Variants in SLC24A2 observed in about 807,000 individuals in gnomAD.
SLC24A2 encodes the protein solute carrier family 24 member 2, also known as sodium/potassium/calcium exchanger 2.
Under a neutral mutation model 62.0 loss-of-function variants are expected in SLC24A2, and 36 were observed. The ratio of observed to expected loss-of-function variants is 0.58; its 90% CI spans 0.44 to 0.77. The LOEUF is 0.77. Ranked by LOEUF, SLC24A2 falls within the 30% of genes least tolerant of loss-of-function variation. The probability of loss-of-function intolerance (pLI) is 0.00; values close to 1 mark genes in which losing one functional copy is unlikely to be tolerated. For synonymous variants in SLC24A2, 358 were observed against 294.0 expected (o/e 1.22, Z -2.23); for missense variants, 846 against 817.9 (o/e 1.03, Z -0.42).
chr9:19,615,068 G>T (rs1817730116), intron 4 of SLC24A2, among the ~76,000 whole-genome samples: 2 of 152,176 alleles, frequency 1.3e-5, no homozygotes, highest in African/African-American at 4.8e-5. Context: ...GGACTCTTGT[G>T]ACTCAGGCTC....
intron 2 of SLC24A2, among the ~76,000 whole-genome samples, chr9:19,665,170 A>G (rs1819213458): frequency 1.3e-5 from 2 of 152,184 alleles, no homozygotes; most frequent in Admixed American, 6.5e-5. Flanking sequence ...GACACCATCT[A>G]TCTGAGGTGA....
intron 2 of SLC24A2, among the ~76,000 whole-genome samples, chr9:19,695,042 A>G (rs1450511039): frequency 7.8e-6 from 1 of 128,978 alleles, no homozygotes; most frequent in African/African-American, 2.7e-5. Context: ...CCAGCCATAT[A>G]TTTATCCTAG....
chr9:19,942,658 A>G, the SLC24A2 span, among the ~76,000 whole-genome samples: 3 of 152,194 alleles, frequency 2.0e-5, no homozygotes, highest in African/African-American at 7.2e-5. Flanking sequence ...CAGCAAGAAG[A>G]TATTTATAAT....
the SLC24A2 span, among the ~76,000 whole-genome samples, chr9:20,134,941 T>G: frequency 6.6e-6 from 1 of 152,212 alleles, no homozygotes; most frequent in East Asian, 1.9e-4. Flanking sequence ...AAAATCTGTC[T>G]GCCTTTTGTA....
At chr9:19,752,110 C>T (rs994079534) in intron 2 of SLC24A2, among the ~76,000 whole-genome samples, 3 of 152,100 alleles carry the variant, frequency 2.0e-5, no homozygotes, top group Admixed American at 6.5e-5. Context: ...GCTTGCGACA[C>T]GTTTGCTTAT....
intron 2 of SLC24A2, among the ~76,000 whole-genome samples, chr9:19,672,356 ATCTTTTG>A (rs1354689258): frequency 6.8e-6 from 1 of 146,242 alleles, no homozygotes; most frequent in East Asian, 1.9e-4. Flanking sequence ...GCCTTGAATA[ATCTTTTG>A]TCTTTCTGTG....
chr9:20,201,495 A>G, the SLC24A2 span, among the ~76,000 whole-genome samples: 1 of 152,184 alleles, frequency 6.6e-6, no homozygotes, highest in East Asian at 1.9e-4. Flanking sequence ...ACAATTTGAG[A>G]TAGAGAAGGG....
At chr9:19,600,852 G>A (rs897189888) in intron 4 of SLC24A2, among the ~76,000 whole-genome samples, 9 of 152,042 alleles carry the variant, frequency 5.9e-5, no homozygotes, top group Admixed American at 2.0e-4. Flanking sequence ...GGGGGAGAGC[G>A]TAGGATTGAA....
intron 8 of SLC24A2, among the ~76,000 whole-genome samples, chr9:19,533,929 C>A (rs76502850): frequency 0.011 from 1,612 of 152,324 alleles, 29 homozygotes; most frequent in African/African-American, 0.035. Flanking sequence ...ACCCATATAT[C>A]TTCCAAACCA....
intron 2 of SLC24A2, among the ~76,000 whole-genome samples, chr9:19,642,118 C>T (rs1178908729): frequency 6.6e-6 from 1 of 152,022 alleles, no homozygotes; most frequent in East Asian, 1.9e-4. Context: ...ACTGGCTTGG[C>T]TTTGGGGAGG....
the SLC24A2 span, among the ~76,000 whole-genome samples, chr9:20,080,642 A>T: frequency 0.026 from 3,911 of 151,554 alleles, 147 homozygotes; most frequent in African/African-American, 0.084. Flanking sequence ...CTCATTAAAC[A>T]AAAGAGCTTC....
At chr9:19,669,453 T>C (rs1466854217) in intron 2 of SLC24A2, among the ~76,000 whole-genome samples, 5 of 152,190 alleles carry the variant, frequency 3.3e-5, no homozygotes, top group African/African-American at 1.2e-4. Context: ...CTTTTTAAAA[T>C]TGCTACCACA....
chr9:19,962,980 A>G, the SLC24A2 span, among the ~76,000 whole-genome samples: 1 of 152,164 alleles, frequency 6.6e-6, no homozygotes, highest in African/African-American at 2.4e-5. Context: ...ATTCAGTATG[A>G]TATTGGCTGT....
In SLC24A2 at chr9:19,513,226, A is replaced by G. The variant is rs931362207; in HGVS notation, c.*2927T>C. On this transcript the variant is annotated 3_prime_UTR_variant, in exon 11 of 11. Coordinates refer to ENST00000341998, the MANE Select transcript of SLC24A2 (RefSeq NM_020344.4). ...TATATATGTATATACACAGGCATGCAGGAAACGAGTTAGAGATGACCTGTT... is the reference window on the plus strand; with the variant it reads ...TATATATGTATATACACAGGCATGCGGGAAACGAGTTAGAGATGACCTGTT... The G allele has an allele frequency of 6.7e-6, 1 of 148,840 alleles. No individual in the cohort carries two copies. The highest frequency in any genetic ancestry group is 1.5e-5 in the Non-Finnish European group (1 of 67,620). The allele number at this position is 148,840 out of a possible 1,614,324, so 9.2% of individuals were successfully genotyped here. A position where few individuals can be genotyped will look rare whatever the true frequency, so the allele number is the denominator to read the frequency against.
chr9:20,110,746 C>T, the SLC24A2 span, among the ~76,000 whole-genome samples: 1 of 152,108 alleles, frequency 6.6e-6, no homozygotes, highest in African/African-American at 2.4e-5. Context: ...AATGAAAATT[C>T]ATTTTGCATC....
chr9:20,219,347 A>G, the SLC24A2 span, among the ~76,000 whole-genome samples: 6 of 152,194 alleles, frequency 3.9e-5, no homozygotes, highest in Admixed American at 1.3e-4. Flanking sequence ...TCTGTTCCCA[A>G]TGCCAGTGCT....
rs992720529 is a variant in SLC24A2 at position 19,767,613 on chromosome 9, T to G, written c.930+18324A>C. 2.6e-5 allele frequency among the ~76,000 whole-genome samples: 4 copies of G among 152,118 alleles called. No homozygotes were observed. The South Asian group carries it at 6.2e-4, about 24-fold the overall frequency. On this transcript the variant is annotated intron_variant, in intron 2 of 10. Transcript: ENST00000341998. ...GGTGATGCCCCACCCTGCTTCTGCT[T>G]ACCCTCTGTGGGCTGCATGCACTGT...
At position 19,678,493 on chromosome 9, in the gene SLC24A2, G is replaced by T. The variant is rs143963849; in HGVS notation, c.931-56194C>A. Among the ~76,000 whole-genome samples, 842 of 152,272 alleles carry T rather than the reference G, an allele frequency of 5.5e-3. 9 individuals are homozygous for T. In the Middle Eastern group the frequency reaches 0.058, roughly 10 times the overall value. On this transcript the variant is annotated intron_variant, in intron 2 of 10. Coordinates refer to ENST00000341998, the MANE Select transcript of SLC24A2 (RefSeq NM_020344.4). ...CTTTTGATTTCTCTTTAACTTAGTG[G>T]TCTAGTGTAACCCTTTATTTTTCTA...
chr9:19,888,919 G>C, the SLC24A2 span, among the ~76,000 whole-genome samples: 2 of 152,192 alleles, frequency 1.3e-5, no homozygotes, highest in Non-Finnish European at 2.9e-5. Flanking sequence ...GTTTCTCCCT[G>C]AATCTAACCC....
Sources: allele counts gnomAD v4.1 joint callset (sites outside exome capture counted in the v4.1 genomes callset), GRCh38; gene constraint gnomAD v4.1.1; transcripts MANE v1.5; gene names NCBI Gene and HGNC (gene_info 2026-07-23, HGNC 2026-07-21).